CCDC7: variants seen among roughly 807,000 people sequenced by gnomAD.
CCDC7 encodes coiled-coil domain-containing protein 7.
A neutral mutation model predicts 196.9 loss-of-function variants in CCDC7; 183 were observed. The observed-to-expected ratio is 0.93, with a 90% CI of 0.82 to 1.05. The LOEUF is 1.05. CCDC7 is among the 50% of genes least tolerant of loss of function. CCDC7 has a pLI of 0.00. For synonymous variants in CCDC7, 525 were observed against 484.6 expected (o/e 1.08, Z -1.10); for missense variants, 1,540 against 1,482.2 (o/e 1.04, Z -0.64).
At chr10:32,782,548 T>A (rs1408406206) in intron 29 of CCDC7, among the ~76,000 whole-genome samples, 1 of 126,988 alleles carries the variant, frequency 7.9e-6, no homozygotes, top group African/African-American at 3.0e-5. Context: ...ATTATTAAGA[T>A]GACAGTAATA....
At chr10:32,806,189 C>T (rs773401231) in intron 30 of CCDC7, among the ~76,000 whole-genome samples, 49 of 151,848 alleles carry the variant, frequency 3.2e-4, no homozygotes, top group East Asian at 9.7e-4. Flanking sequence ...AAAGAGTTTT[C>T]GGTAAAATAA....
At chr10:32,845,830 A>G in intron 35 of CCDC7, 46 bp from the exon 37 acceptor site, 1 of 1,400,080 alleles carries the variant, frequency 7.1e-7, no homozygotes, top group Non-Finnish European at 1.0e-6. Context: ...GAGGTATGGT[A>G]ATGTTTACCT....
intron 21 of CCDC7, among the ~76,000 whole-genome samples, chr10:32,683,594 C>T (rs2076107483): frequency 6.6e-6 from 1 of 152,188 alleles, no homozygotes; most frequent in Non-Finnish European, 1.5e-5. Flanking sequence ...AATATTGATT[C>T]TTCCTGTCTA....
At chr10:32,668,500 G>T (rs1283247152) in intron 21 of CCDC7, among the ~76,000 whole-genome samples, 2 of 152,136 alleles carry the variant, frequency 1.3e-5, no homozygotes, top group Admixed American at 6.6e-5. Context: ...GATATTGGCT[G>T]TGGATTTGTC....
At chr10:32,681,437 T>C (rs2075835525) in intron 21 of CCDC7, among the ~76,000 whole-genome samples, 1 of 152,164 alleles carries the variant, frequency 6.6e-6, no homozygotes, top group Admixed American at 6.5e-5. Flanking sequence ...ATACAGCTAC[T>C]GTCTGAACAA....
At chr10:32,643,857 T>TTTTGAAAATTAATTTTCAAAATA (rs2067273526) in intron 20 of CCDC7, among the ~76,000 whole-genome samples, 1 of 134,888 alleles carries the variant, frequency 7.4e-6, no homozygotes, top group African/African-American at 3.8e-5. Context: ...TTTTCAAAAT[T>TTTTGAAAATTAATTTTCAAAATA]ATTTTGAAAA....
At chr10:32,577,685 T>A (rs1307234951) in intron 16 of CCDC7, among the ~76,000 whole-genome samples, 1 of 152,202 alleles carries the variant, frequency 6.6e-6, no homozygotes, top group Admixed American at 6.5e-5. Flanking sequence ...ACTGAGTCAA[T>A]GGCTTGTTTA....
chr10:32,776,757 A>G (rs1191740024), intron 28 of CCDC7, among the ~76,000 whole-genome samples: 1 of 152,250 alleles, frequency 6.6e-6, no homozygotes, highest in African/African-American at 2.4e-5. Flanking sequence ...CAATTGAATA[A>G]TTAGTATGTT....
At chr10:32,678,664 G>A (rs1189310988) in intron 21 of CCDC7, among the ~76,000 whole-genome samples, 1 of 152,070 alleles carries the variant, frequency 6.6e-6, no homozygotes, top group Non-Finnish European at 1.5e-5. Flanking sequence ...GGCCTCTCAG[G>A]TTATACCATA....
At chr10:32,849,553 A>C (rs964752724) in intron 39 of CCDC7, among the ~76,000 whole-genome samples, 2 of 151,906 alleles carry the variant, frequency 1.3e-5, no homozygotes, top group Admixed American at 6.6e-5. Context: ...AAATACAAAA[A>C]TTAGCTGGGC....
At chr10:32,865,557 A>AT (rs997646527) in intron 41 of CCDC7, among the ~76,000 whole-genome samples, 3 of 151,872 alleles carry the variant, frequency 2.0e-5, no homozygotes, top group African/African-American at 7.2e-5. Flanking sequence ...GTTTTTTACT[A>AT]TAAGGAGTGT....
Position 32,728,867 on chromosome 10 carries a change from A to C in CCDC7, c.2669-20A>C. ...GATTTATGTTTCCATTTGATGGACT[A>C]AATGCATCTCTTGATATAGCTCGTA... On this transcript the variant is annotated intron_variant, in intron 26 of 41. Coordinates refer to ENST00000639629, the Ensembl canonical transcript of CCDC7. 1 of 1,361,704 alleles carries C rather than the reference A, an allele frequency of 7.3e-7. No individual in the cohort carries two copies. The highest frequency in any genetic ancestry group is 1.0e-6 in the Non-Finnish European group (1 of 961,528). 84.4% of individuals were successfully genotyped at this position (1,361,704 alleles called of 1,614,324 possible). A position where few individuals can be genotyped will look rare whatever the true frequency, so the allele number is the denominator to read the frequency against.
intron 24 of CCDC7, among the ~76,000 whole-genome samples, chr10:32,711,268 T>A (rs1166746895): frequency 6.6e-6 from 1 of 152,024 alleles, no homozygotes; most frequent in East Asian, 1.9e-4. Context: ...CTCAATGGTT[T>A]TGAATACTTT....
At chr10:32,863,798 T>C (rs2094100515) in intron 41 of CCDC7, among the ~76,000 whole-genome samples, 1 of 151,898 alleles carries the variant, frequency 6.6e-6, no homozygotes, top group Non-Finnish European at 1.5e-5. Context: ...ATAAAACTCC[T>C]AGAAGAGAAC....
chr10:32,825,751 G>C (rs1294860816), intron 32 of CCDC7, among the ~76,000 whole-genome samples: 1 of 152,118 alleles, frequency 6.6e-6, no homozygotes, highest in African/African-American at 2.4e-5. Context: ...ATAAAGAGCT[G>C]AAATTGTGGA....
chr10:32,656,164 T>G (rs73257502), intron 20 of CCDC7, among the ~76,000 whole-genome samples: 8,075 of 152,240 alleles, frequency 0.053, 717 homozygotes, highest in African/African-American at 0.18. Flanking sequence ...GTTTTATTGT[T>G]TTATATTTAT....
In CCDC7 at chr10:32,462,682, G is replaced by A; in HGVS notation, c.457-1G>A. ...GTGTTAATTAAAACTTTATTTTTCA[G>A]ATTTTGGAATCTCTTTTTAAGGTAC... On this transcript the variant is annotated splice_acceptor_variant, in intron 3 of 41. Transcript: ENST00000639629. LOFTEE classifies it high-confidence loss of function. 2.1e-6 allele frequency: 3 copies of A among 1,444,514 alleles called. No individual in the cohort carries two copies. Among genetic ancestry groups the A allele is most frequent in the Non-Finnish European group, 2.8e-6 (3 of 1,060,176 alleles). The allele number at this position is 1,444,514 out of a possible 1,614,324, so 89.5% of individuals were successfully genotyped here. A position where few individuals can be genotyped will look rare whatever the true frequency, so the allele number is the denominator to read the frequency against.
intron 20 of CCDC7, among the ~76,000 whole-genome samples, chr10:32,647,810 G>A (rs1354719201): frequency 2.0e-5 from 3 of 152,108 alleles, no homozygotes; most frequent in Non-Finnish European, 4.4e-5. Flanking sequence ...TTCTTTTACT[G>A]TGCAGAAGTT....
intron 33 of CCDC7, among the ~76,000 whole-genome samples, chr10:32,843,897 T>C (rs1011224124): frequency 6.6e-6 from 1 of 152,000 alleles, no homozygotes; most frequent in African/African-American, 2.4e-5. Context: ...TTCATTTTGG[T>C]AATGATGCCT....
Sources: allele counts gnomAD v4.1 joint callset (sites outside exome capture counted in the v4.1 genomes callset), GRCh38; gene constraint gnomAD v4.1.1; transcripts MANE v1.5; gene names NCBI Gene and HGNC (gene_info 2026-07-23, HGNC 2026-07-21).